Variants in GABRR3 observed in about 807,000 individuals in gnomAD.
GABRR3 encodes gamma-aminobutyric acid type A receptor subunit rho3.
Under a neutral mutation model 43.2 loss-of-function variants are expected in GABRR3, and 29 were observed. The ratio of observed to expected loss-of-function variants is 0.67; its 90% CI spans 0.50 to 0.92. GABRR3 has a LOEUF of 0.92. GABRR3 is among the 40% of genes least tolerant of loss of function. The probability of loss-of-function intolerance (pLI) is 0.00; values close to 1 mark genes in which losing one functional copy is unlikely to be tolerated. For missense variants in GABRR3, 576 were observed against 572.3 expected, an observed-to-expected ratio of 1.01 and a Z score of -0.07; for synonymous variants, 206 against 195.9, an observed-to-expected ratio of 1.05 and a Z score of -0.43.
chr3:98,006,865 G>C (rs775866100), intron 7 of GABRR3, among the ~76,000 whole-genome samples: 6 of 152,170 alleles, frequency 3.9e-5, no homozygotes, highest in Non-Finnish European at 5.9e-5. Flanking sequence ...TTGGATAAAA[G>C]TTGTCAATTC....
intron 7 of GABRR3, among the ~76,000 whole-genome samples, chr3:98,006,797 G>A (rs1462685360): frequency 6.6e-6 from 1 of 152,194 alleles, no homozygotes; most frequent in East Asian, 1.9e-4. Context: ...GAGGGGAACC[G>A]AAGGAGGCTG....
At chr3:98,010,962 T>C (rs144014523) in intron 5 of GABRR3, among the ~76,000 whole-genome samples, 6,413 of 152,122 alleles carry the variant, frequency 0.042, 198 homozygotes, top group Middle Eastern at 0.13. Flanking sequence ...TAGCTGGGCA[T>C]GGTGGCAGGC....
chr3:97,986,669 T>G (rs1380462286), downstream of GABRR3: 1 of 1,468,484 alleles, frequency 6.8e-7, no homozygotes, highest in African/African-American at 1.4e-5. Context: ...GTTGTATACA[T>G]TTGAAATTCC....
intron 2 of GABRR3, among the ~76,000 whole-genome samples, chr3:98,027,141 T>TA (rs921360907): frequency 2.3e-3 from 341 of 151,402 alleles, no homozygotes; most frequent in African/African-American, 7.3e-3. Flanking sequence ...AACTATTTAT[T>TA]AAAAAAAAAT....
chr3:98,006,107 C>T (rs112439462), intron 7 of GABRR3, among the ~76,000 whole-genome samples: 2,113 of 150,434 alleles, frequency 0.014, 37 homozygotes, highest in African/African-American at 0.047. Context: ...AAAGACAAAC[C>T]GAGAAAAGGA....
intron 7 of GABRR3, 104 bp from the exon 8 acceptor site, chr3:98,001,871 G>T: frequency 8.1e-6 from 10 of 1,242,010 alleles, no homozygotes; most frequent in Non-Finnish European, 1.1e-5. Flanking sequence ...TTGGGGACAC[G>T]GAATTTGACA....
chr3:98,008,671 A>G (rs1157986169), intron 6 of GABRR3, among the ~76,000 whole-genome samples: 2 of 152,134 alleles, frequency 1.3e-5, no homozygotes, highest in Admixed American at 1.3e-4. Context: ...AGTAGCAAGA[A>G]TAGACTTTTT....
intron 2 of GABRR3, among the ~76,000 whole-genome samples, chr3:98,028,367 CCTTA>C (rs765807542): frequency 2.6e-5 from 4 of 152,134 alleles, no homozygotes; most frequent in Non-Finnish European, 5.9e-5. Context: ...TACTTAAACT[CCTTA>C]CTTACTTTTC....
Position 98,025,697 on chromosome 3 carries a change from A to G in GABRR3, c.126-18T>C, listed in dbSNP as rs753444642. 6 of 1,544,806 alleles carry G rather than the reference A, an allele frequency of 3.9e-6. No individual in the cohort carries two copies. In the African/African-American group the frequency reaches 8.3e-5, roughly 21 times the overall value. ...CTTGTTTGCTGTTCCCCCAAAGGGA[A>G]AAAAAAAACTTCTGAGATACATATG... On this transcript the variant is annotated intron_variant, in intron 2 of 9. Transcript: ENST00000621172.
intron 2 of GABRR3, among the ~76,000 whole-genome samples, chr3:98,031,028 G>C (rs970040656): frequency 7.2e-5 from 11 of 152,142 alleles, no homozygotes; most frequent in Admixed American, 2.6e-4. Flanking sequence ...TTTTTGAAAA[G>C]TCTTAGAGAA....
At chr3:98,031,328 A>T (rs776794092) in intron 2 of GABRR3, among the ~76,000 whole-genome samples, 39 of 152,226 alleles carry the variant, frequency 2.6e-4, no homozygotes, top group Non-Finnish European at 4.7e-4. Context: ...TAGTCTGCAG[A>T]CATTTTTAAA....
rs573754992 is a variant in GABRR3, at chr3:98,025,769, A to G, written c.126-90T>C. 22 of 704,646 alleles carry G rather than the reference A, an allele frequency of 3.1e-5. No homozygotes were observed. The African/African-American group carries it at 3.8e-4, about 12-fold the overall frequency. 43.6% of individuals were successfully genotyped at this position (704,646 alleles called of 1,614,324 possible). A position where few individuals can be genotyped will look rare whatever the true frequency, so the allele number is the denominator to read the frequency against. On this transcript the variant is annotated intron_variant, in intron 2 of 9. Coordinates refer to ENST00000621172, the Ensembl canonical transcript of GABRR3. ...GTTAGCCATCTGTGCTCAACATAAC[A>G]TGTTCTGAAATACATACATAAAAGC...
chr3:97,995,524 G>A (rs945508061), intron 8 of GABRR3, among the ~76,000 whole-genome samples: 6 of 151,872 alleles, frequency 4.0e-5, no homozygotes, highest in African/African-American at 1.4e-4. Context: ...CTTTAAAAGG[G>A]TGCTTAATCC....
At chr3:97,995,722 G>A (rs1706545163) in intron 8 of GABRR3, among the ~76,000 whole-genome samples, 1 of 152,086 alleles carries the variant, frequency 6.6e-6, no homozygotes, top group Admixed American at 6.6e-5. Context: ...GAGTATTATA[G>A]TTACATTAAA....
chr3:98,034,780 G>A (rs935175070), intron 2 of GABRR3, 83 bp downstream of exon 2: 19 of 1,516,842 alleles, frequency 1.3e-5, no homozygotes, highest in East Asian at 6.8e-5. Flanking sequence ...TTAAAGATAC[G>A]TTTCCAGGTT....
At chr3:98,014,000 A>C (rs139137814) in intron 4 of GABRR3, among the ~76,000 whole-genome samples, 100 of 152,336 alleles carry the variant, frequency 6.6e-4, no homozygotes, top group African/African-American at 2.3e-3. Flanking sequence ...CAAATCTTAA[A>C]TAGATCAAAA....
chr3:97,996,249 C>G (rs1490791001), intron 8 of GABRR3, among the ~76,000 whole-genome samples: 2 of 152,048 alleles, frequency 1.3e-5, no homozygotes, highest in Non-Finnish European at 2.9e-5. Flanking sequence ...AAATATTTTT[C>G]ATATAGGCCT....
intron 4 of GABRR3, among the ~76,000 whole-genome samples, chr3:98,015,156 A>C (rs1315606382): frequency 6.6e-6 from 1 of 152,230 alleles, no homozygotes; most frequent in African/African-American, 2.4e-5. Context: ...ATGGAGTTTG[A>C]AAAGAAAATA....
At chr3:98,009,698 C>T (rs73140897) in intron 5 of GABRR3, among the ~76,000 whole-genome samples, 1 of 152,222 alleles carries the variant, frequency 6.6e-6, no homozygotes, top group Non-Finnish European at 1.5e-5. Flanking sequence ...ACTTTGGTAC[C>T]CACAATAGCA....
Sources: allele counts gnomAD v4.1 joint callset (sites outside exome capture counted in the v4.1 genomes callset), GRCh38; gene constraint gnomAD v4.1.1; transcripts MANE v1.5; gene names NCBI Gene and HGNC (gene_info 2026-07-23, HGNC 2026-07-21).